Variants in EPRS1 observed in about 807,000 individuals in gnomAD.
EPRS1 encodes glutamyl-prolyl-tRNA synthetase 1.
EPRS1 carries 107 observed loss-of-function variants against 188.3 expected under a neutral mutation model. The ratio of observed to expected loss-of-function variants is 0.57; its 90% CI spans 0.49 to 0.67. The LOEUF is 0.67. EPRS1 is among the 30% of genes least tolerant of loss of function. The pLI, the probability that EPRS1 is intolerant of heterozygous loss-of-function variation, is 0.00. For synonymous variants in EPRS1, 596 were observed against 593.1 expected (o/e 1.00, Z -0.07); for missense variants, 1,577 against 1,802.2 (o/e 0.88, Z 2.26).
At chr1:220,018,066 G>C (rs1351068672) in intron 12 of EPRS1, 1 of 1,003,330 alleles carries the variant, frequency 1.0e-6, no homozygotes, top group African/African-American at 1.7e-5. Flanking sequence ...AACATCTCAG[G>C]TTTTAACATG....
At chr1:219,972,656 C>T (rs1306731614) in intron 29 of EPRS1, among the ~76,000 whole-genome samples, 3 of 152,190 alleles carry the variant, frequency 2.0e-5, no homozygotes, top group Admixed American at 6.5e-5. Context: ...CAGGGTGCCA[C>T]GCTAAGCCAC....
intron 12 of EPRS1, among the ~76,000 whole-genome samples, chr1:220,016,701 G>A (rs1312349086): frequency 7.8e-6 from 1 of 128,306 alleles, no homozygotes; most frequent in East Asian, 2.2e-4. Flanking sequence ...GTAGAGGCAT[G>A]AGAACCTGGC....
intron 8 of EPRS1, 100 bp from the exon 9 acceptor site, chr1:220,022,618 T>C (rs1661899187): frequency 2.0e-6 from 2 of 977,648 alleles, no homozygotes; most frequent in African/African-American, 3.3e-5. Context: ...TCTTGTTTTA[T>C]AACCACCCTG....
chr1:219,990,531 T>C (rs1288702932), intron 18 of EPRS1, among the ~76,000 whole-genome samples: 2 of 152,156 alleles, frequency 1.3e-5, no homozygotes, highest in Non-Finnish European at 2.9e-5. Flanking sequence ...TTTAGAAAGA[T>C]TAAGTTCCTT....
chr1:220,016,816 A>C (rs1359126006), intron 12 of EPRS1, among the ~76,000 whole-genome samples: 1 of 151,912 alleles, frequency 6.6e-6, no homozygotes, highest in Admixed American at 6.6e-5. Flanking sequence ...CCAAAAAGTT[A>C]GGAGAAAAAG....
chr1:220,027,005 G>T (rs1399085111), intron 6 of EPRS1, among the ~76,000 whole-genome samples: 1 of 152,018 alleles, frequency 6.6e-6, no homozygotes, highest in Non-Finnish European at 1.5e-5. Flanking sequence ...TTTAAGAAGG[G>T]CTTGGGCCGG....
In EPRS1 at chr1:220,020,205, CAT is replaced by C; in HGVS notation, c.1130_1131del (p.Tyr377Ter). On this transcript the variant is annotated frameshift_variant, in exon 10 of 32. Coordinates refer to ENST00000366923, the MANE Select transcript of EPRS1 (RefSeq NM_004446.3). LOFTEE classifies it high-confidence loss of function. Reference sequence around the variant, plus strand: ...CTGTCAACTATGGGGCAGGCAAAATCATATGTTGGATAAACACTAGAAAAAAA... The same window carrying C: ...CTGTCAACTATGGGGCAGGCAAAATCATGTTGGATAAACACTAGAAAAAAA... ...TGNKYNVYPT[Y>X]DFACPIVDSI... 1 of 1,610,354 alleles carries C rather than the reference CAT, an allele frequency of 6.2e-7. No homozygotes were observed. The highest frequency in any genetic ancestry group is 8.5e-7 in the Non-Finnish European group (1 of 1,177,534).
intron 19 of EPRS1, among the ~76,000 whole-genome samples, chr1:219,987,612 G>C (rs575435870): frequency 6.6e-6 from 1 of 151,278 alleles, no homozygotes; most frequent in Non-Finnish European, 1.5e-5. Context: ...ACTACAAAAG[G>C]ATCTGTCCAA....
chr1:219,987,458 G>A lies in EPRS1; in HGVS notation c.2776-54C>T, dbSNP rs911487379. On this transcript the variant is annotated intron_variant, in intron 19 of 31. Coordinates refer to ENST00000366923, the MANE Select transcript of EPRS1 (RefSeq NM_004446.3). ...AAGACAGTATTTAACTCAAGTCATTGTCTAAGCACACTTAAACAAATACAA... is the reference window on the plus strand; with the variant it reads ...AAGACAGTATTTAACTCAAGTCATTATCTAAGCACACTTAAACAAATACAA... 2.8e-6 allele frequency: 4 copies of A among 1,411,132 alleles called. No homozygotes were observed. In the Admixed American group the frequency reaches 6.5e-5, roughly 23 times the overall value. The allele number at this position is 1,411,132 out of a possible 1,614,324, so 87.4% of individuals were successfully genotyped here.
At chr1:220,038,339 C>T (rs968511381) in intron 2 of EPRS1, among the ~76,000 whole-genome samples, 2 of 150,810 alleles carry the variant, frequency 1.3e-5, no homozygotes, top group African/African-American at 4.9e-5. Context: ...GCCTTGGCCT[C>T]CCAAAGTGCT....
chr1:219,988,433 C>A (rs1276574990), intron 19 of EPRS1, among the ~76,000 whole-genome samples, 157 bp downstream of exon 19: 2 of 151,822 alleles, frequency 1.3e-5, no homozygotes, highest in African/African-American at 4.8e-5. Flanking sequence ...GCGTAAGAAA[C>A]AATCAACAAA....
rs781683210 is a variant in EPRS1, at chr1:220,033,673, G to A, written c.232-15C>T. The A allele has an allele frequency of 8.2e-6, 13 of 1,583,928 alleles. No homozygotes were observed. In the East Asian group the frequency reaches 2.7e-4, roughly 33 times the overall value. On this transcript the variant is annotated splice_polypyrimidine_tract_variant and intron_variant, in intron 3 of 31. Coordinates refer to ENST00000366923, the MANE Select transcript of EPRS1 (RefSeq NM_004446.3). ...CAGTGATCAATCTGTCAACATAAAAGACAGAAAAGAAATGCATTCCAACAT... is the reference window on the plus strand; with the variant it reads ...CAGTGATCAATCTGTCAACATAAAAAACAGAAAAGAAATGCATTCCAACAT...
At chr1:220,031,995 T>C (rs1167283309) in intron 5 of EPRS1, among the ~76,000 whole-genome samples, 1 of 152,164 alleles carries the variant, frequency 6.6e-6, no homozygotes, top group Non-Finnish European at 1.5e-5. Flanking sequence ...AGAAGATCCT[T>C]TTAAATTTAT....
At chr1:220,035,796 CAG>C (rs1055753114) in intron 2 of EPRS1, among the ~76,000 whole-genome samples, 3 of 151,938 alleles carry the variant, frequency 2.0e-5, no homozygotes, top group African/African-American at 7.3e-5. Context: ...GCTTGGGTGA[CAG>C]AGAGAGACCC....
rs1317401880 is a variant in EPRS1 at position 220,033,906 on chromosome 1, C to T, written c.232-248G>A. 2.1e-5 allele frequency among the ~76,000 whole-genome samples: 3 copies of T among 143,850 alleles called. No individual in the cohort carries two copies. In the Admixed American group the frequency reaches 2.1e-4, roughly 10 times the overall value. 94.4% of individuals were successfully genotyped at this position (143,850 alleles called of 152,430 possible). ...TTTTTTTTTTTTTACAGGAGTGTGG[C>T]GGGGCACTTCAGGAAAGAACAGGAA... is the stretch of plus-strand genomic sequence containing the variant. On this transcript the variant is annotated intron_variant, in intron 3 of 31. Coordinates refer to ENST00000366923, the MANE Select transcript of EPRS1 (RefSeq NM_004446.3).
intron 2 of EPRS1, among the ~76,000 whole-genome samples, chr1:220,037,639 A>C (rs1254602018): frequency 6.6e-6 from 1 of 152,140 alleles, no homozygotes; most frequent in Non-Finnish European, 1.5e-5. Flanking sequence ...AAATGTTTTC[A>C]ATTTCCAAAA....
intron 6 of EPRS1, among the ~76,000 whole-genome samples, 156 bp downstream of exon 6, chr1:220,030,228 CAT>C (rs1468861559): frequency 6.6e-6 from 1 of 152,072 alleles, no homozygotes; most frequent in Non-Finnish European, 1.5e-5. Flanking sequence ...CTATTAATAA[CAT>C]AAAAACTGTT....
At chr1:220,035,121 A>G in intron 2 of EPRS1, 108 bp from the exon 3 acceptor site, 2 of 602,394 alleles carry the variant, frequency 3.3e-6, no homozygotes, top group Non-Finnish European at 5.9e-6. Context: ...TTTACCATGT[A>G]TTTTCTACTA....
chr1:220,038,383 AG>A (rs1396791865), intron 2 of EPRS1, among the ~76,000 whole-genome samples: 1 of 69,944 alleles, frequency 1.4e-5, no homozygotes, highest in Non-Finnish European at 2.7e-5. Context: ...CACCCAGCTC[AG>A]TTTATCTTTT....
Sources: gnomAD v4.1 joint callset for allele counts (sites outside exome capture counted in the v4.1 genomes callset) on GRCh38, gnomAD v4.1.1 for gene constraint, MANE v1.5 for transcripts, NCBI Gene and HGNC (gene_info 2026-07-23, HGNC 2026-07-21) for gene names.